Variants in PI4KB observed in about 807,000 individuals in gnomAD.
PI4KB encodes PtdIns 4-kinase beta.
A neutral mutation model predicts 81.4 loss-of-function variants in PI4KB; 23 were observed. That is an observed-to-expected ratio of 0.28 (90% CI 0.20 to 0.40). The LOEUF is 0.40. Among genes scored for constraint, PI4KB ranks in the 10% least tolerant of loss-of-function variants. The probability of loss-of-function intolerance (pLI) is 1.00; values close to 1 mark genes in which losing one functional copy is unlikely to be tolerated. For synonymous variants in PI4KB, 381 were observed against 406.8 expected, an observed-to-expected ratio of 0.94 and a Z score of 0.76; for missense variants, 651 against 1,036.6, an observed-to-expected ratio of 0.63 and a Z score of 5.11.
At chr1:151,304,837 T>C (rs1053998468) in intron 5 of PI4KB, among the ~76,000 whole-genome samples, 10 of 151,942 alleles carry the variant, frequency 6.6e-5, no homozygotes, top group African/African-American at 2.2e-4. Flanking sequence ...GGCTTTTTTT[T>C]TTTTTTCTTT....
rs538990913 is a variant in PI4KB at position 151,316,164 on chromosome 1, G to A, written c.318C>T (p.Ala106=). ...CTTTGGCTGTGCCTGAGGCCACAGC[G>A]GCCCCCATCTCATCTTCCTCCTCCC... ...QIREEEDEMG[A]AVASGTAKGA... The change falls in exon 2 of 12, where the codon GCC becomes GCT. Residue 106 remains alanine, a synonymous_variant. Coordinates refer to ENST00000368873, the MANE Select transcript of PI4KB (RefSeq NM_001369623.2). 2.0e-5 allele frequency: 32 copies of A among 1,613,876 alleles called. No individual in the cohort carries two copies. The highest frequency in any genetic ancestry group is 1.9e-4 in the South Asian group (17 of 91,068).
At chr1:151,323,849 C>A (rs551863405) in intron 1 of PI4KB, among the ~76,000 whole-genome samples, 1 of 152,178 alleles carries the variant, frequency 6.6e-6, no homozygotes, top group East Asian at 1.9e-4. Flanking sequence ...GTTAACTCTG[C>A]GAGAACAGGA....
intron 5 of PI4KB, among the ~76,000 whole-genome samples, chr1:151,304,829 CTT>C (rs768438395): frequency 7.2e-6 from 1 of 138,496 alleles, no homozygotes. Flanking sequence ...CCACACCTGG[CTT>C]TTTTTTTTTT....
intron 1 of PI4KB, among the ~76,000 whole-genome samples, chr1:151,325,927 A>G (rs770311770): frequency 2.0e-5 from 3 of 152,198 alleles, no homozygotes; most frequent in Non-Finnish European, 4.4e-5. Context: ...AGGAAGTCAC[A>G]TGCTGAACCC....
In PI4KB at chr1:151,292,964, A is replaced by T. The variant is rs1025558522; in HGVS notation, c.2339T>A (p.Met780Lys). Residue 780 changes from methionine to lysine, a missense_variant, in exon 12 of 12, where the codon ATG becomes AAG. Met to Lys is a moderately conservative substitution (Grantham distance 95, BLOSUM62 -1). Around this residue, in one of 5 missense-constraint regions of PI4KB, gnomAD observed 70 missense variants for 108.1 expected, o/e 0.65. Transcript: ENST00000368873. Reference protein sequence around the residue: ...RNLKERFHMSMTEEQLQLLVE... With the variant: ...RNLKERFHMSKTEEQLQLLVE... ...CAGCAGCTGCAGCTGCTCCTCAGTC[A>T]TGCTCATGTGGAACCTCTCTTTGAG... is the stretch of plus-strand genomic sequence containing the variant. 3.1e-6 allele frequency: 5 copies of T among 1,614,020 alleles called. No homozygotes were observed. Among genetic ancestry groups the T allele is most frequent in the Non-Finnish European group, 4.2e-6 (5 of 1,180,032 alleles).
intron 5 of PI4KB, among the ~76,000 whole-genome samples, chr1:151,304,629 G>A (rs1053708505): frequency 6.6e-6 from 1 of 151,096 alleles, no homozygotes; most frequent in African/African-American, 2.4e-5. Flanking sequence ...GCAGGCGTGA[G>A]CCACCGCGCC....
At chr1:151,311,068 A>T (rs1696178697) in intron 2 of PI4KB, among the ~76,000 whole-genome samples, 1 of 152,106 alleles carries the variant, frequency 6.6e-6, no homozygotes, top group Non-Finnish European at 1.5e-5. Flanking sequence ...AGCCCAGAGG[A>T]TTTATCTAAA....
chr1:151,309,485 A>T (rs1047910999), intron 3 of PI4KB, among the ~76,000 whole-genome samples: 8 of 152,132 alleles, frequency 5.3e-5, no homozygotes, highest in Non-Finnish European at 8.8e-5. Flanking sequence ...TAGAAAATAT[A>T]AAAAAAATCA....
At position 151,302,112 on chromosome 1, in the gene PI4KB, A is replaced by G. The variant is rs1695334642; in HGVS notation, c.1625+82T>C. On this transcript the variant is annotated intron_variant, in intron 7 of 11. Coordinates refer to ENST00000368873, the MANE Select transcript of PI4KB (RefSeq NM_001369623.2). Reference sequence around the variant, plus strand: ...GCCTGACAGATTTTTTTGGAGGCTGATGGACAATAAAGTTGGTGCAGTGAG... The same window carrying G: ...GCCTGACAGATTTTTTTGGAGGCTGGTGGACAATAAAGTTGGTGCAGTGAG... The G allele has an allele frequency of 7.8e-6, 12 of 1,542,596 alleles. No homozygotes were observed. In the South Asian group the frequency reaches 1.1e-4, roughly 14 times the overall value.
intron 2 of PI4KB, 33 bp from the exon 3 acceptor site, chr1:151,310,288 AGGGGGTGGGAAGGGAGGG>A (rs1696115511): frequency 1.8e-6 from 1 of 569,176 alleles, no homozygotes; most frequent in African/African-American, 2.1e-5. Context: ...AGGGAGAAGG[AGGGGGTGGGAAGGGAGGG>A]GAGAGAGACA....
At chr1:151,323,757 C>CA (rs1458609055) in intron 1 of PI4KB, among the ~76,000 whole-genome samples, 2 of 151,582 alleles carry the variant, frequency 1.3e-5, no homozygotes, top group Admixed American at 6.6e-5. Flanking sequence ...CAAAAACAAA[C>CA]AAAAAAACAA....
intron 1 of PI4KB, among the ~76,000 whole-genome samples, chr1:151,319,191 G>C (rs1265891997): frequency 6.6e-6 from 1 of 152,034 alleles, no homozygotes; most frequent in African/African-American, 2.4e-5. Flanking sequence ...TGCTAGTTGA[G>C]GCCGGGCACA....
At chr1:151,302,706 T>C (rs1395798626) in intron 6 of PI4KB, among the ~76,000 whole-genome samples, 1 of 150,212 alleles carries the variant, frequency 6.7e-6, no homozygotes, top group Non-Finnish European at 1.5e-5. Context: ...GCCTCCCGAG[T>C]AGCTGGGACT....
At position 151,296,375 on chromosome 1, in the gene PI4KB, G is replaced by C. The variant is rs922038097; in HGVS notation, c.2016-1834C>G. ...CACAGGGTCTAAAAGCTACCTGACT[G>C]TTATTTCCCTCATGAGGAAACACGT... On this transcript the variant is annotated intron_variant, in intron 9 of 11. Transcript: ENST00000368873. Among the ~76,000 whole-genome samples the C allele has an allele frequency of 3.9e-5, 6 of 152,278 alleles. 1 individual carries two copies. The South Asian group carries it at 1.0e-3, about 26-fold the overall frequency.
intron 11 of PI4KB, 24 bp from the exon 12 acceptor site, chr1:151,293,057 G>A: frequency 6.2e-7 from 1 of 1,612,546 alleles, no homozygotes; most frequent in Non-Finnish European, 8.5e-7. Flanking sequence ...TCGGAGTTCA[G>A]GGTCATGGAT....
chr1:151,327,216 A>AGGGGGGGCCCCCCC (rs1649760785), intron 1 of PI4KB, 55 bp downstream of exon 1: 3 of 103,982 alleles, frequency 2.9e-5, no homozygotes, highest in Non-Finnish European at 3.7e-5. Flanking sequence ...TGGGAGAGGG[A>AGGGGGGGCCCCCCC]CCCCCCCCCC....
At position 151,293,963 on chromosome 1, in the gene PI4KB, C is replaced by T. The variant is rs749200705; in HGVS notation, c.2269+55G>A. The T allele has an allele frequency of 8.5e-5, 136 of 1,606,990 alleles. 1 individual carries two copies. The highest frequency in any genetic ancestry group is 3.0e-4 in the South Asian group (27 of 90,640). The stretch of plus-strand genomic sequence containing the variant: ...TCAGCTTTCTTATGCTCCAGGGCTC[C>T]GACTTAAAGGGGAAGCCTGAGGCAC... On this transcript the variant is annotated intron_variant, in intron 11 of 11. Coordinates refer to ENST00000368873, the MANE Select transcript of PI4KB (RefSeq NM_001369623.2).
chr1:151,306,337 G>T lies in PI4KB; in HGVS notation c.1209C>A (p.Val403=). ...TGGTGTCAAAGTTTTCACATTCAAG[G>T]ACTTCCACATAAATCAGGTAGGGAG... ...DKAPYLIYVE[V]LECENFDTTS... The change falls in exon 5 of 12, where the codon GTC becomes GTA. Residue 403 remains valine (V), a synonymous_variant. Transcript: ENST00000368873. 6.2e-7 allele frequency: 1 copy of T among 1,613,884 alleles called. No homozygotes were observed. The highest frequency in any genetic ancestry group is 8.5e-7 in the Non-Finnish European group (1 of 1,179,802).
At chr1:151,326,064 A>G in intron 1 of PI4KB, 1 of 1,108,244 alleles carries the variant, frequency 9.0e-7, no homozygotes, top group South Asian at 1.3e-5. Context: ...GTAAACCACA[A>G]GAATAAACTG....
Sources: gnomAD v4.1 joint callset for allele counts (sites outside exome capture counted in the v4.1 genomes callset) on GRCh38, gnomAD v4.1.1 for gene constraint, gnomAD v4.1.1 regional missense constraint, MANE v1.5 for transcripts, NCBI Gene and HGNC (gene_info 2026-07-23, HGNC 2026-07-21) for gene names.